The following SDK1 variants were observed in gnomAD, a reference collection of about 807,000 sequenced individuals.
SDK1 encodes sidekick cell adhesion molecule 1, also known as protein sidekick-1.
A neutral mutation model predicts 245.5 loss-of-function variants in SDK1; 157 were observed. The ratio of observed to expected loss-of-function variants is 0.64; its 90% CI spans 0.56 to 0.73. The LOEUF (loss-of-function observed/expected upper bound fraction) is 0.73. Ranked by LOEUF, SDK1 falls within the 30% of genes least tolerant of loss-of-function variation. The pLI, the probability that SDK1 is intolerant of heterozygous loss-of-function variation, is 0.00. For missense variants in SDK1, 3,583 were observed against 3,002.3 expected, an observed-to-expected ratio of 1.19 and a Z score of -4.52; for synonymous variants, 1,647 against 1,278.5, an observed-to-expected ratio of 1.29 and a Z score of -6.15.
At chr7:4,056,884 C>T (rs944974410) in intron 19 of SDK1, among the ~76,000 whole-genome samples, 1 of 152,080 alleles carries the variant, frequency 6.6e-6, no homozygotes, top group Admixed American at 6.5e-5. Context: ...TCCGCCCCGG[C>T]TCCCGACAGC....
chr7:3,808,197 G>T (rs1374255583), intron 4 of SDK1, among the ~76,000 whole-genome samples: 1 of 152,202 alleles, frequency 6.6e-6, no homozygotes, highest in African/African-American at 2.4e-5. Flanking sequence ...CCCGTGGAAC[G>T]TGCCCTCCTC....
chr7:3,776,256 G>A (rs1583402270), intron 4 of SDK1, among the ~76,000 whole-genome samples: 1 of 152,348 alleles, frequency 6.6e-6, no homozygotes, highest in Non-Finnish European at 1.5e-5. Flanking sequence ...TCAATTTGGT[G>A]TGCAAAGGAC....
rs956313880 is a variant in SDK1, at chr7:3,408,185, G to T, written c.298+106301G>T. ...CCTGAGTAGCTGGGACTACAGATAT[G>T]TGCCACCATGCCTGGCCAATTTTTT... On this transcript the variant is annotated intron_variant, in intron 1 of 44. Transcript: ENST00000404826. Among the ~76,000 whole-genome samples the T allele has an allele frequency of 3.3e-5, 5 of 152,042 alleles. No homozygotes were observed. The South Asian group carries it at 1.0e-3, about 32-fold the overall frequency.
chr7:3,301,949 AG>A, intron 1 of SDK1, 65 bp downstream of exon 1: 1 of 1,056,832 alleles, frequency 9.5e-7, no homozygotes, highest in South Asian at 4.4e-5. Flanking sequence ...GAACTTGAGC[AG>A]CGAGAGTGTG....
chr7:3,370,837 T>TTGTCATTCCCAGTC (rs1306592866), intron 1 of SDK1, among the ~76,000 whole-genome samples: 17 of 152,152 alleles, frequency 1.1e-4, no homozygotes, highest in African/African-American at 3.9e-4. Context: ...TGGTCCAAGT[T>TTGTCATTCCCAGTC]TGTCATTCCC....
chr7:4,200,061 C>T lies in SDK1; in HGVS notation c.5099-5818C>T, dbSNP rs560338393. ...AGTGAGCCGAGACTGTGCCATTGCA[C>T]TTCAGCCTCTGTGACAGAGTGATAC... On this transcript the variant is annotated intron_variant, in intron 35 of 44. Transcript: ENST00000404826. Among the ~76,000 whole-genome samples the T allele has an allele frequency of 6.6e-5, 10 of 152,318 alleles. No homozygotes were observed. In the South Asian group the frequency reaches 2.1e-3, roughly 32 times the overall value.
chr7:4,182,234 C>G (rs1562400934), intron 35 of SDK1, among the ~76,000 whole-genome samples: 1 of 152,182 alleles, frequency 6.6e-6, no homozygotes, highest in Non-Finnish European at 1.5e-5. Flanking sequence ...CCCCAGGACA[C>G]CCTCTCTGTC....
At position 3,848,629 on chromosome 7, in the gene SDK1, C is replaced by G. The variant is rs530512933; in HGVS notation, c.847+27046C>G. On this transcript the variant is annotated intron_variant, in intron 5 of 44. Transcript: ENST00000404826. ...CCAGGGGAACAGGGAACATAGAAGA[C>G]CACCACCCAGGCCACGTTCTGCAAT... 2.6e-5 allele frequency among the ~76,000 whole-genome samples: 4 copies of G among 152,110 alleles called. No homozygotes were observed. In the East Asian group the frequency reaches 7.7e-4, roughly 29 times the overall value.
intron 1 of SDK1, among the ~76,000 whole-genome samples, chr7:3,524,169 A>G (rs1196703299): frequency 6.6e-6 from 1 of 152,160 alleles, no homozygotes; most frequent in African/African-American, 2.4e-5. Flanking sequence ...ATGAAGAAAC[A>G]CCCGCATTAA....
intron 1 of SDK1, among the ~76,000 whole-genome samples, chr7:3,330,820 A>AC (rs1434246299): frequency 1.3e-5 from 2 of 151,314 alleles, no homozygotes; most frequent in South Asian, 2.1e-4. Flanking sequence ...AAAAAAAAAA[A>AC]AAAAAAAACC....
At chr7:3,725,244 C>T (rs577125108) in intron 4 of SDK1, among the ~76,000 whole-genome samples, 4 of 152,106 alleles carry the variant, frequency 2.6e-5, no homozygotes, top group Admixed American at 6.5e-5. Flanking sequence ...TCAAGGAAGA[C>T]GGACTTTCAC....
At chr7:4,037,176 T>C (rs1416498728) in intron 17 of SDK1, among the ~76,000 whole-genome samples, 1 of 152,226 alleles carries the variant, frequency 6.6e-6, no homozygotes, top group Non-Finnish European at 1.5e-5. Flanking sequence ...TTGAATAATA[T>C]TGTTTGAAGA....
chr7:4,214,774 A>T (rs1397156975), intron 38 of SDK1, among the ~76,000 whole-genome samples: 1 of 152,014 alleles, frequency 6.6e-6, no homozygotes, highest in Non-Finnish European at 1.5e-5. Context: ...TCCAGCCCCC[A>T]CCCAATGGCC....
At position 3,328,335 on chromosome 7, in the gene SDK1, T is replaced by A. The variant is rs183169630; in HGVS notation, c.298+26451T>A. Among the ~76,000 whole-genome samples, 12 of 152,260 alleles carry A rather than the reference T, an allele frequency of 7.9e-5. No individual in the cohort carries two copies. In the East Asian group the frequency reaches 2.1e-3, roughly 27 times the overall value. On this transcript the variant is annotated intron_variant, in intron 1 of 44. Transcript: ENST00000404826. ...AGGCTTATTTTAAGGTCTACACTTA[T>A]GAGCTCTTACAATTTGCTTTTAGAT...
chr7:3,669,019 A>T (rs1197225236), intron 4 of SDK1, among the ~76,000 whole-genome samples: 1 of 152,188 alleles, frequency 6.6e-6, no homozygotes, highest in African/African-American at 2.4e-5. Flanking sequence ...TTGGCCACAT[A>T]AGGGCTCAAG....
rs149582328 is a variant in SDK1, at chr7:3,703,186, G to A, written c.713+61081G>A. Among the ~76,000 whole-genome samples, 150 of 151,816 alleles carry A rather than the reference G, an allele frequency of 9.9e-4. 1 individual carries two copies. Among genetic ancestry groups the A allele is most frequent in the African/African-American group, 3.5e-3 (145 of 41,410 alleles). On this transcript the variant is annotated intron_variant, in intron 4 of 44. Transcript: ENST00000404826. ...TCTGGACATTCTAGAAGCTTTCATT[G>A]TAATGGCCACAAATTGGAAATAACC...
At position 4,027,277 on chromosome 7, in the gene SDK1, C is replaced by T. The variant is rs1357527925; in HGVS notation, c.2602+9925C>T. Among the ~76,000 whole-genome samples, 7 of 152,292 alleles carry T rather than the reference C, an allele frequency of 4.6e-5. No individual in the cohort carries two copies. In the East Asian group the frequency reaches 1.4e-3, roughly 29 times the overall value. On this transcript the variant is annotated intron_variant, in intron 17 of 44. Coordinates refer to ENST00000404826, the MANE Select transcript of SDK1 (RefSeq NM_152744.4). ...CTGAGATTTCACGGTTTATGTGTAA[C>T]AGGGAAGGTGGTGTTGCTTTAGTAA...
intron 22 of SDK1, among the ~76,000 whole-genome samples, chr7:4,109,112 A>G (rs762716090): frequency 4.0e-4 from 61 of 152,262 alleles, no homozygotes; most frequent in Non-Finnish European, 7.5e-4. Flanking sequence ...TGTCGTGACT[A>G]GTGCACTAGG....
intron 25 of SDK1, among the ~76,000 whole-genome samples, chr7:4,125,746 A>G (rs1369060027): frequency 6.6e-6 from 1 of 152,214 alleles, no homozygotes; most frequent in Non-Finnish European, 1.5e-5. Context: ...AGGACTGGTC[A>G]TAGCATCCTC....
Sources: gnomAD v4.1 joint callset for allele counts (sites outside exome capture counted in the v4.1 genomes callset) on GRCh38, gnomAD v4.1.1 for gene constraint, MANE v1.5 for transcripts, NCBI Gene and HGNC (gene_info 2026-07-23, HGNC 2026-07-21) for gene names.